The following ABHD12 variants were observed in gnomAD, a reference collection of about 807,000 sequenced individuals.
ABHD12 encodes the protein lysophosphatidylserine lipase ABHD12.
Under a neutral mutation model 58.3 loss-of-function variants are expected in ABHD12, and 43 were observed. The ratio of observed to expected loss-of-function variants is 0.74; its 90% CI spans 0.58 to 0.95. ABHD12 has a LOEUF of 0.95. Ranked by LOEUF, ABHD12 falls within the 40% of genes least tolerant of loss-of-function variation. ABHD12 has a pLI of 0.00. For missense variants in ABHD12, 539 were observed against 537.2 expected (o/e 1.00, Z -0.03); for synonymous variants, 219 against 211.2 (o/e 1.04, Z -0.32).
intron 11 of ABHD12, among the ~76,000 whole-genome samples, chr20:25,302,859 G>A (rs2088663204): frequency 6.6e-6 from 1 of 152,176 alleles, no homozygotes; most frequent in African/African-American, 2.4e-5. Flanking sequence ...ACTGCATGGG[G>A]GCTGTCAGAG....
chr20:25,314,870 T>C, intron 6 of ABHD12, 55 bp downstream of exon 6: 1 of 1,598,098 alleles, frequency 6.3e-7, no homozygotes, highest in Middle Eastern at 1.7e-4. Context: ...GCCCATGGGA[T>C]ACCGCCAGCA....
intron 1 of ABHD12, among the ~76,000 whole-genome samples, chr20:25,356,023 A>C (rs1367149982): frequency 1.3e-5 from 2 of 152,234 alleles, no homozygotes; most frequent in Non-Finnish European, 2.9e-5. Context: ...CTGAGAGAAC[A>C]AAAGCCATTC....
chr20:25,313,110 C>A (rs2088892936), intron 6 of ABHD12, among the ~76,000 whole-genome samples: 1 of 152,286 alleles, frequency 6.6e-6, no homozygotes, highest in African/African-American at 2.4e-5. Flanking sequence ...GAGAACGGGC[C>A]ATGATGACGA....
intron 4 of ABHD12, among the ~76,000 whole-genome samples, chr20:25,318,485 G>A (rs2089003920): frequency 6.6e-6 from 1 of 152,150 alleles, no homozygotes; most frequent in Non-Finnish European, 1.5e-5. Flanking sequence ...GACCTCAGGG[G>A]GACCCGGGTG....
At chr20:25,321,277 C>G (rs1022804741) in intron 3 of ABHD12, among the ~76,000 whole-genome samples, 1 of 152,230 alleles carries the variant, frequency 6.6e-6, no homozygotes, top group Non-Finnish European at 1.5e-5. Context: ...GGGCTCCTGA[C>G]AAAGAGCCAG....
intron 1 of ABHD12, among the ~76,000 whole-genome samples, chr20:25,359,683 C>T (rs976664136): frequency 6.6e-6 from 1 of 151,910 alleles, no homozygotes; most frequent in Non-Finnish European, 1.5e-5. Context: ...AATTCTCATG[C>T]CATAGCCTCC....
Position 25,302,351 on chromosome 20 carries a change from G to T in ABHD12, c.1030-5C>A, listed in dbSNP as rs1568709690. 1 of 1,613,056 alleles carries T rather than the reference G, an allele frequency of 6.2e-7. No homozygotes were observed. Among genetic ancestry groups the T allele is most frequent in the South Asian group, 1.1e-5 (1 of 91,034 alleles). Reference sequence around the variant, plus strand: ...TGGTGCGGCGATGCTATAGAGCTGGGGAGAGAGGGGTCAGAGCCTGAGGCA... The same window carrying T: ...TGGTGCGGCGATGCTATAGAGCTGGTGAGAGAGGGGTCAGAGCCTGAGGCA... On this transcript the variant is annotated splice_region_variant and splice_polypyrimidine_tract_variant and intron_variant, in intron 11 of 12. Coordinates refer to ENST00000339157, the MANE Select transcript of ABHD12 (RefSeq NM_001042472.3).
intron 6 of ABHD12, among the ~76,000 whole-genome samples, chr20:25,313,344 C>A (rs1336679297): frequency 2.6e-5 from 4 of 152,352 alleles, no homozygotes; most frequent in Admixed American, 1.3e-4. Flanking sequence ...GGATTAAGGG[C>A]GGTGCAAGAT....
At chr20:25,315,549 C>T (rs1027956239) in intron 5 of ABHD12, among the ~76,000 whole-genome samples, 9 of 151,500 alleles carry the variant, frequency 5.9e-5, no homozygotes, top group African/African-American at 1.9e-4. Context: ...GAGGCTGCCG[C>T]ACCATCATGT....
chr20:25,307,320 G>GA (rs917536350), intron 9 of ABHD12, among the ~76,000 whole-genome samples: 6 of 152,382 alleles, frequency 3.9e-5, no homozygotes, highest in Middle Eastern at 6.8e-3. Context: ...GCACCAAAAA[G>GA]TAAGATAAGA....
At chr20:25,373,096 C>T (rs867325678) in intron 1 of ABHD12, among the ~76,000 whole-genome samples, 3 of 152,148 alleles carry the variant, frequency 2.0e-5, no homozygotes, top group Admixed American at 6.5e-5. Flanking sequence ...ATAGCCCAGG[C>T]GTGTAATAGG....
chr20:25,337,026 C>G (rs1180818777), intron 2 of ABHD12, among the ~76,000 whole-genome samples: 1 of 152,188 alleles, frequency 6.6e-6, no homozygotes, highest in Non-Finnish European at 1.5e-5. Context: ...CGTTGGGAGG[C>G]CAAGGCAGGA....
chr20:25,296,575 C>T, downstream of ABHD12: 1 of 1,565,642 alleles, frequency 6.4e-7, no homozygotes, highest in Non-Finnish European at 8.6e-7. Context: ...GCTGACTTTG[C>T]ACCTCCTTTT....
chr20:25,311,489 C>T (rs2088848464), intron 6 of ABHD12, among the ~76,000 whole-genome samples: 1 of 152,226 alleles, frequency 6.6e-6, no homozygotes, highest in Admixed American at 6.5e-5. Flanking sequence ...TACATGTGTG[C>T]TGGTTTAAAG....
At chr20:25,329,804 A>G (rs1265194581) in intron 2 of ABHD12, among the ~76,000 whole-genome samples, 2 of 152,240 alleles carry the variant, frequency 1.3e-5, no homozygotes, top group South Asian at 2.1e-4. Flanking sequence ...TCAAATTCCA[A>G]TTACCTGATG....
At chr20:25,369,927 T>TAAAAAAAAAAA (rs3032443) in intron 1 of ABHD12, among the ~76,000 whole-genome samples, 1 of 91,440 alleles carries the variant, frequency 1.1e-5, no homozygotes, top group Non-Finnish European at 2.1e-5. Flanking sequence ...GTCTCTGTTA[T>TAAAAAAAAAAA]AAAAAAAAAA....
intron 1 of ABHD12, among the ~76,000 whole-genome samples, chr20:25,344,909 A>G (rs1487986987): frequency 1.3e-5 from 2 of 152,348 alleles, no homozygotes; most frequent in East Asian, 3.9e-4. Flanking sequence ...GATCTTTTCC[A>G]CAAATGGTGC....
chr20:25,349,788 A>G (rs890117226), intron 1 of ABHD12, among the ~76,000 whole-genome samples: 3 of 152,168 alleles, frequency 2.0e-5, no homozygotes, highest in African/African-American at 7.2e-5. Flanking sequence ...CAGAGTTTCT[A>G]TTTGGGATGG....
intron 10 of ABHD12, among the ~76,000 whole-genome samples, chr20:25,303,833 C>T (rs2088685692): frequency 6.6e-6 from 1 of 152,210 alleles, no homozygotes; most frequent in Non-Finnish European, 1.5e-5. Context: ...GTGTCAATCA[C>T]AGCTATATAA....
Sources: gnomAD v4.1 joint callset for allele counts (sites outside exome capture counted in the v4.1 genomes callset) on GRCh38, gnomAD v4.1.1 for gene constraint, MANE v1.5 for transcripts, NCBI Gene and HGNC (gene_info 2026-07-23, HGNC 2026-07-21) for gene names.